LCP1: variants seen among roughly 807,000 people sequenced by gnomAD.
The protein encoded by LCP1 is plastin-2.
A neutral mutation model predicts 72.0 loss-of-function variants in LCP1; 23 were observed. The observed-to-expected ratio is 0.32, with a 90% confidence interval of 0.23 to 0.45. LCP1 has a LOEUF of 0.45. Ranked by LOEUF, LCP1 falls within the 20% of genes least tolerant of loss-of-function variation. LCP1 has a pLI of 1.00. For missense variants in LCP1, 571 were observed against 748.3 expected (o/e 0.76, Z 2.76); for synonymous variants, 245 against 275.4 (o/e 0.89, Z 1.09).
rs935543595 is a variant in LCP1 at position 46,133,934 on chromosome 13, G to A, written c.1626+193C>T. Among the ~76,000 whole-genome samples, 4 of 152,034 alleles carry A rather than the reference G, an allele frequency of 2.6e-5. No individual in the cohort carries two copies. The South Asian group carries it at 8.3e-4, about 31-fold the overall frequency. On this transcript the variant is annotated intron_variant, in intron 14 of 15. Transcript: ENST00000323076. ...GATGGGTTTTTATGATTAACTTATG[G>A]GAGAAAGTATTGAGAAATTCATTAA...
In LCP1 at chr13:46,159,647, C is replaced by T. The variant is rs2045825598; in HGVS notation, c.16G>A (p.Val6Met). Residue 6 changes from valine (V) to methionine (M), a missense_variant, in exon 2 of 16, where the codon GTG (valine) becomes ATG (methionine). Coordinates refer to ENST00000323076, the MANE Select transcript of LCP1 (RefSeq NM_002298.5). ...AGCTCCATCATTTCCTCATCGGACACTGATCCTCTGGCCATTTTTTATTGC... is the reference window on the plus strand; with the variant it reads ...AGCTCCATCATTTCCTCATCGGACATTGATCCTCTGGCCATTTTTTATTGC... The part of the protein sequence containing the change: MARGS[V>M]SDEEMMELRE... 1.2e-6 allele frequency: 2 copies of T among 1,614,096 alleles called. No individual in the cohort carries two copies. The highest frequency in any genetic ancestry group is 1.7e-6 in the Non-Finnish European group (2 of 1,179,958).
intron 10 of LCP1, 97 bp downstream of exon 10, chr13:46,146,811 T>C (rs1341388146): frequency 2.5e-6 from 3 of 1,216,956 alleles, no homozygotes; most frequent in East Asian, 2.3e-5. Flanking sequence ...TTTGCACATG[T>C]AAATAGTTTA....
chr13:46,176,040 T>C (rs1380566218), intron 1 of LCP1, among the ~76,000 whole-genome samples: 3 of 152,178 alleles, frequency 2.0e-5, no homozygotes, highest in South Asian at 2.1e-4. Flanking sequence ...CACCTGAGAT[T>C]ACTAGAGGCT....
intron 1 of LCP1, among the ~76,000 whole-genome samples, chr13:46,165,460 G>A (rs898099897): frequency 4.6e-5 from 7 of 152,084 alleles, no homozygotes; most frequent in Non-Finnish European, 7.4e-5. Flanking sequence ...AGATTAATAA[G>A]TAATATAAGT....
intron 5 of LCP1, among the ~76,000 whole-genome samples, chr13:46,156,088 C>T (rs2045799621): frequency 6.6e-6 from 1 of 152,124 alleles, no homozygotes; most frequent in Non-Finnish European, 1.5e-5. Flanking sequence ...TTTTTAATGT[C>T]CTTCTATAGT....
At position 46,130,863 on chromosome 13, in the gene LCP1, G is replaced by A. The variant is rs199548512; in HGVS notation, c.1702C>T (p.Leu568Phe). The stretch of plus-strand genomic sequence containing the variant: ...TCATTCAGATTTTCTGTCTTCAGAA[G>A]GTCATAGTTAATGGAACCTGGTTGG... ...AIQPGSINYD[L>F]LKTENLNDDE... The change falls in exon 15 of 16, where the codon CTT becomes TTT. Residue 568 changes from leucine to phenylalanine, a missense_variant. Physicochemically the swap from Leu to Phe is conservative, Grantham distance 22. Coordinates refer to ENST00000323076, the MANE Select transcript of LCP1 (RefSeq NM_002298.5). 1.2e-4 allele frequency: 194 copies of A among 1,613,308 alleles called. No homozygotes were observed. The highest frequency in any genetic ancestry group is 1.7e-5 in the Admixed American group (1 of 59,882).
At position 46,148,450 on chromosome 13, in the gene LCP1, G is replaced by C; in HGVS notation, c.883-3C>G. ...AGGTGGTAATAAGCTTTTGAGTCCT[G>C]TGAGAAATTAAGAAATTCCAATTTC... On this transcript the variant is annotated splice_polypyrimidine_tract_variant and splice_region_variant and intron_variant, in intron 8 of 15. Transcript: ENST00000323076. 6.3e-7 allele frequency: 1 copy of C among 1,590,186 alleles called. No homozygotes were observed. Among genetic ancestry groups the C allele is most frequent in the South Asian group, 1.1e-5 (1 of 90,018 alleles).
chr13:46,137,250 A>T (rs907944308), intron 13 of LCP1, among the ~76,000 whole-genome samples: 3 of 151,608 alleles, frequency 2.0e-5, no homozygotes, highest in Admixed American at 6.6e-5. Context: ...GAATAGAATT[A>T]GGCTGGGCCG....
rs569140925 is a variant in LCP1, at chr13:46,177,557, T to G, written c.-25+4554A>C. On this transcript the variant is annotated intron_variant, in intron 1 of 15. Transcript: ENST00000323076. ...CGGGAGGCTGAGGCAGGAGAATCGC[T>G]TGAACCCAGGAGGCGGAGGTTTCAG... Among the ~76,000 whole-genome samples, 6 of 152,138 alleles carry G rather than the reference T, an allele frequency of 3.9e-5. No individual in the cohort carries two copies. The East Asian group carries it at 1.2e-3, about 29-fold the overall frequency.
intron 5 of LCP1, among the ~76,000 whole-genome samples, chr13:46,155,349 A>G (rs184798850): frequency 5.8e-4 from 89 of 152,320 alleles, no homozygotes; most frequent in African/African-American, 2.1e-3. Flanking sequence ...TAACATTTTT[A>G]TATCCTTCTC....
chr13:46,159,191 A>C (rs548697520), intron 2 of LCP1: 13 of 572,574 alleles, frequency 2.3e-5, no homozygotes, highest in Non-Finnish European at 4.0e-5. Flanking sequence ...CAACATCCAC[A>C]GTAAAAGAGT....
Position 46,159,579 on chromosome 13 carries a change from G to A in LCP1, c.64+20C>T. 2 of 1,602,102 alleles carry A rather than the reference G, an allele frequency of 1.2e-6. No homozygotes were observed. The highest frequency in any genetic ancestry group is 1.7e-6 in the Non-Finnish European group (2 of 1,169,116). Reference sequence around the variant, plus strand: ...AGTGAAGAAGAGAATGATGCAATTTGGGGTACCAGGTCTACTCACCAACTT... The same window carrying A: ...AGTGAAGAAGAGAATGATGCAATTTAGGGTACCAGGTCTACTCACCAACTT... On this transcript the variant is annotated intron_variant, in intron 2 of 15. Transcript: ENST00000323076.
intron 1 of LCP1, among the ~76,000 whole-genome samples, chr13:46,177,869 C>A (rs966669231): frequency 6.6e-6 from 1 of 151,910 alleles, no homozygotes; most frequent in African/African-American, 2.4e-5. Flanking sequence ...GCTGCTGCTG[C>A]TGATGGTGAT....
At chr13:46,128,478 G>A (rs1344107753) in intron 15 of LCP1, among the ~76,000 whole-genome samples, 4 of 151,990 alleles carry the variant, frequency 2.6e-5, no homozygotes, top group African/African-American at 7.3e-5. Flanking sequence ...TGCGCCTGTA[G>A]TCCCAGCTAC....
At chr13:46,158,765 T>A (rs2045819433) in intron 3 of LCP1, 61 bp downstream of exon 3, 5 of 1,603,004 alleles carry the variant, frequency 3.1e-6, no homozygotes, top group Admixed American at 1.7e-5. Flanking sequence ...GGATATTTTT[T>A]AAAACAGAAT....
intron 12 of LCP1, chr13:46,142,922 G>A: frequency 2.8e-6 from 1 of 361,106 alleles, no homozygotes; most frequent in Non-Finnish European, 5.4e-6. Flanking sequence ...TGTTCCCACT[G>A]TGTTGACAGT....
chr13:46,169,411 A>T (rs2045893657), intron 1 of LCP1: 1 of 152,080 alleles, frequency 6.6e-6, no homozygotes, highest in South Asian at 2.1e-4. Context: ...GATGATTCTT[A>T]CCCCCTGCAT....
At chr13:46,153,915 T>C (rs1057344823) in intron 6 of LCP1, among the ~76,000 whole-genome samples, 2 of 152,076 alleles carry the variant, frequency 1.3e-5, no homozygotes, top group African/African-American at 4.8e-5. Flanking sequence ...TCAAGGGAGT[T>C]TTCAGTCCAG....
intron 9 of LCP1, among the ~76,000 whole-genome samples, 154 bp from the exon 10 acceptor site, chr13:46,147,257 T>C (rs1227493045): frequency 2.0e-5 from 3 of 152,210 alleles, no homozygotes; most frequent in Admixed American, 2.0e-4. Flanking sequence ...TATATGCACC[T>C]GCACCAAAAT....
Sources: gnomAD v4.1 joint callset for allele counts (sites outside exome capture counted in the v4.1 genomes callset) on GRCh38, gnomAD v4.1.1 for gene constraint, MANE v1.5 for transcripts, NCBI Gene and HGNC (gene_info 2026-07-23, HGNC 2026-07-21) for gene names.